Variants in PSMB3 observed in about 807,000 individuals in gnomAD.
The protein encoded by PSMB3 is proteasome subunit beta type-3.
PSMB3 carries 5 observed loss-of-function variants against 23.3 expected under a neutral mutation model. The ratio of observed to expected loss-of-function variants is 0.21; its 90% CI spans 0.11 to 0.45. PSMB3 has a LOEUF of 0.45. Among genes scored for constraint, PSMB3 ranks in the 20% least tolerant of loss-of-function variants. The pLI is 0.99. For synonymous variants in PSMB3, 85 were observed against 99.8 expected, an observed-to-expected ratio of 0.85 and a Z score of 0.88; for missense variants, 192 against 277.9, an observed-to-expected ratio of 0.69 and a Z score of 2.20.
intron 2 of PSMB3, among the ~76,000 whole-genome samples, chr17:38,754,425 G>T (rs1216867416): frequency 6.6e-6 from 1 of 152,162 alleles, no homozygotes; most frequent in African/African-American, 2.4e-5. Flanking sequence ...AGCTGAAATT[G>T]TGCCACTGCA....
chr17:38,754,078 T>A (rs1176043910), intron 2 of PSMB3, among the ~76,000 whole-genome samples: 1 of 55,278 alleles, frequency 1.8e-5, no homozygotes, highest in Non-Finnish European at 4.6e-5. Flanking sequence ...GGGCAGGTCC[T>A]GCAGGGTACT....
intron 3 of PSMB3, among the ~76,000 whole-genome samples, chr17:38,757,897 G>A (rs1177059780): frequency 1.3e-5 from 2 of 151,060 alleles, no homozygotes; most frequent in South Asian, 2.2e-4. Flanking sequence ...CTCATGATCC[G>A]CCCACCTCAG....
At chr17:38,759,552 T>C (rs865912702) in intron 3 of PSMB3, among the ~76,000 whole-genome samples, 1 of 152,036 alleles carries the variant, frequency 6.6e-6, no homozygotes, top group African/African-American at 2.4e-5. Flanking sequence ...TCTTTTCTTT[T>C]CTTTTTTTCT....
rs570374707 is a variant in PSMB3, at chr17:38,754,832, T to G, written c.189-1051T>G. On this transcript the variant is annotated intron_variant, in intron 2 of 5. Transcript: ENST00000619426. ...GTGTCCTGAGACTCATTGCTTTTCC[T>G]CCAGCAGGTGTGGCATTGGTCTGCT... Among the ~76,000 whole-genome samples the G allele has an allele frequency of 1.1e-3, 162 of 152,318 alleles. 1 individual carries two copies. Among genetic ancestry groups the G allele is most frequent in the Middle Eastern group, 3.4e-3 (1 of 294 alleles).
chr17:38,759,637 C>G lies in PSMB3; in HGVS notation c.297-794C>G, dbSNP rs7214135. On this transcript the variant is annotated intron_variant, in intron 3 of 5. Transcript: ENST00000619426. ...TCGGCTCACTGCAAGCTCCGCCTCC[C>G]GGGTTCATGCCATTCTCCTGCCTCA... is the stretch of plus-strand genomic sequence containing the variant. 6.1e-4 allele frequency among the ~76,000 whole-genome samples: 92 copies of G among 151,914 alleles called. 1 individual carries two copies. The highest frequency in any genetic ancestry group is 4.5e-3 in the Admixed American group (68 of 15,238).
chr17:38,764,005 G>C, intron 5 of PSMB3, 114 bp from the exon 6 acceptor site: 1 of 1,235,164 alleles, frequency 8.1e-7, no homozygotes, highest in Non-Finnish European at 1.2e-6. Context: ...GCAGCTATTT[G>C]TTCTGCTCCC....
At chr17:38,757,034 ATTTT>A (rs35172699) in intron 3 of PSMB3, among the ~76,000 whole-genome samples, 2 of 65,696 alleles carry the variant, frequency 3.0e-5, no homozygotes, top group Non-Finnish European at 5.2e-5. Flanking sequence ...CACCTGGCTA[ATTTT>A]TTTTTTTTTT....
At chr17:38,755,300 A>G (rs1286834693) in intron 2 of PSMB3, 2 of 151,880 alleles carry the variant, frequency 1.3e-5, no homozygotes, top group Admixed American at 6.6e-5. Flanking sequence ...ACGCTTCACA[A>G]ATTTGCATGT....
chr17:38,755,682 ATGTGTGTGTG>A (rs67600372), intron 2 of PSMB3, among the ~76,000 whole-genome samples, 191 bp from the exon 3 acceptor site: 4 of 90,280 alleles, frequency 4.4e-5, no homozygotes, highest in African/African-American at 1.3e-4. Flanking sequence ...ATATATATAT[ATGTGTGTGTG>A]TGTGTGTGTG....
At position 38,752,945 on chromosome 17, in the gene PSMB3, C is replaced by A. The variant is rs1907998573; in HGVS notation, c.3+116C>A. 1 of 1,468,198 alleles carries A rather than the reference C, an allele frequency of 6.8e-7. No individual in the cohort carries two copies. The highest frequency in any genetic ancestry group is 9.3e-7 in the Non-Finnish European group (1 of 1,070,770). 90.9% of individuals were successfully genotyped at this position (1,468,198 alleles called of 1,614,324 possible). On this transcript the variant is annotated intron_variant, in intron 1 of 5. Transcript: ENST00000619426. This position sits in a 1 kb window ranked among gnomAD's most constrained non-coding sequence, Gnocchi z 5.5. ...TCGATGGAAGGAAGCGGTTTCAGTT[C>A]GAGGGGAGCGGGCCCCGGTGAGGAC... is the stretch of plus-strand genomic sequence containing the variant.
At chr17:38,759,530 C>CTTTT (rs371999733) in intron 3 of PSMB3, among the ~76,000 whole-genome samples, 1 of 145,902 alleles carries the variant, frequency 6.9e-6, no homozygotes, top group Non-Finnish European at 1.5e-5. Flanking sequence ...ACTGATTTTT[C>CTTTT]TTTTTTTTTT....
At chr17:38,760,672 A>G (rs1908397737) in intron 4 of PSMB3, 64 bp downstream of exon 4, 9 of 1,587,210 alleles carry the variant, frequency 5.7e-6, no homozygotes, top group African/African-American at 1.3e-5. Context: ...TTAGGAAAAA[A>G]GTGTGTTTAT....
intron 4 of PSMB3, among the ~76,000 whole-genome samples, chr17:38,761,207 C>T (rs1171232753): frequency 6.6e-6 from 1 of 152,018 alleles, no homozygotes; most frequent in Non-Finnish European, 1.5e-5. Flanking sequence ...GTTAAATTAG[C>T]CGGGCATGGT....
rs749784480 is a variant in PSMB3, at chr17:38,762,471, G to T, written c.535G>T (p.Ala179Ser). 2.5e-6 allele frequency: 4 copies of T among 1,614,210 alleles called. No individual in the cohort carries two copies. In the South Asian group the frequency reaches 4.4e-5, roughly 18 times the overall value. The change falls in exon 5 of 6, where the codon GCA (alanine) becomes TCA (serine). Residue 179 changes from alanine (A) to serine (S), a missense_variant. By Grantham distance (99) the Ala-to-Ser change is moderately conservative. Transcript: ENST00000619426. ...QAMLNAVDRDAVSGMGVIVHI... is the reference protein window; with the variant it reads ...QAMLNAVDRDSVSGMGVIVHI... ...CATGCTGAATGCTGTGGACCGGGATGCAGTGTCAGGCATGGGAGTCATTGT... is the reference window on the plus strand; with the variant it reads ...CATGCTGAATGCTGTGGACCGGGATTCAGTGTCAGGCATGGGAGTCATTGT...
intron 2 of PSMB3, among the ~76,000 whole-genome samples, chr17:38,755,659 A>AT (rs1228651942): frequency 0.019 from 1,837 of 96,736 alleles, 23 homozygotes; most frequent in South Asian, 0.025. Flanking sequence ...AAAAAAAAAA[A>AT]ATATATATAT....
chr17:38,760,736 C>T, intron 4 of PSMB3, 128 bp downstream of exon 4: 1 of 1,122,586 alleles, frequency 8.9e-7, no homozygotes, highest in Non-Finnish European at 1.3e-6. Flanking sequence ...ACAGCTGCTG[C>T]TCCTTGGAAG....
At chr17:38,758,710 G>C (rs1254017842) in intron 3 of PSMB3, among the ~76,000 whole-genome samples, 1 of 152,202 alleles carries the variant, frequency 6.6e-6, no homozygotes, top group Non-Finnish European at 1.5e-5. Context: ...ATGTGTGTGT[G>C]TTTCTATTTA....
intron 2 of PSMB3, among the ~76,000 whole-genome samples, 168 bp from the exon 3 acceptor site, chr17:38,755,715 T>TGTGTGTGTGTGTGCGC (rs142685157): frequency 7.2e-6 from 1 of 138,436 alleles, no homozygotes; most frequent in South Asian, 2.4e-4. Context: ...TGTGTGTGTG[T>TGTGTGTGTGTGTGCGC]GCTGCCAAAG....
Position 38,753,269 on chromosome 17 carries a change from G to A in PSMB3, c.123G>A (p.Lys41=). ...AGATGGTGACCACGGACTTCCAGAAGATCTTTCCCATGGGTGACCGGCTGT... is the reference window on the plus strand; with the variant it reads ...AGATGGTGACCACGGACTTCCAGAAAATCTTTCCCATGGGTGACCGGCTGT... ...QAQMVTTDFQ[K]IFPMGDRLYI... is the part of the protein sequence containing the mutation. Residue 41 remains lysine, a synonymous_variant, in exon 2 of 6, where the codon AAG becomes AAA. Coordinates refer to ENST00000619426, the MANE Select transcript of PSMB3 (RefSeq NM_002795.4). 6.2e-7 allele frequency: 1 copy of A among 1,614,198 alleles called. No individual in the cohort carries two copies. The highest frequency in any genetic ancestry group is 1.1e-5 in the South Asian group (1 of 91,086).
Sources: allele counts gnomAD v4.1 joint callset (sites outside exome capture counted in the v4.1 genomes callset), GRCh38; gene constraint gnomAD v4.1.1; non-coding constraint Gnocchi (gnomAD v3.1); transcripts MANE v1.5; gene names NCBI Gene and HGNC (gene_info 2026-07-23, HGNC 2026-07-21).